SERTM1: variants seen among roughly 807,000 people sequenced by gnomAD.
SERTM1 encodes serine rich and transmembrane domain containing 1.
Under a neutral mutation model 5.5 loss-of-function variants are expected in SERTM1, and 1 was observed. That is an observed-to-expected ratio of 0.18 (90% CI 0.06 to 0.86). The LOEUF (loss-of-function observed/expected upper bound fraction) is 0.86, where lower values mean the gene tolerates loss of function less well. SERTM1 is among the 40% of genes least tolerant of loss of function. The probability of loss-of-function intolerance (pLI) is 0.69; values close to 1 mark genes in which losing one functional copy is unlikely to be tolerated. For synonymous variants in SERTM1, 52 were observed against 55.1 expected (o/e 0.94, Z 0.25); for missense variants, 91 against 122.4 (o/e 0.74, Z 1.21).
Position 36,695,459 on chromosome 13 carries a change from G to A in SERTM1, c.*57G>A, listed in dbSNP as rs527834388. On this transcript the variant is annotated 3_prime_UTR_variant, in exon 2 of 2. Transcript: ENST00000315190. ...AGTTTTGACATCCCCTTACGGAAGT[G>A]TCCCGTGAGGCATTGCCTCATGAAA... is the stretch of plus-strand genomic sequence containing the variant. The A allele has an allele frequency of 4.7e-6, 6 of 1,270,094 alleles. No homozygotes were observed. Among genetic ancestry groups the A allele is most frequent in the Middle Eastern group, 3.8e-4 (2 of 5,198 alleles). 78.7% of individuals were successfully genotyped at this position (1,270,094 alleles called of 1,614,324 possible).
intron 1 of SERTM1, among the ~76,000 whole-genome samples, chr13:36,689,238 G>A (rs2056761729): frequency 6.6e-6 from 1 of 152,038 alleles, no homozygotes; most frequent in Admixed American, 6.6e-5. Context: ...AGGCGTGGTG[G>A]CTCATGCCTG....
chr13:36,690,688 C>T (rs1459965042), intron 1 of SERTM1, among the ~76,000 whole-genome samples: 1 of 152,194 alleles, frequency 6.6e-6, no homozygotes, highest in Non-Finnish European at 1.5e-5. Context: ...CTTCTGGATT[C>T]TGGAAATATT....
In SERTM1 at chr13:36,695,068, C is replaced by G; in HGVS notation, c.-11C>G. On this transcript the variant is annotated 5_prime_UTR_variant, in exon 2 of 2. Coordinates refer to ENST00000315190, the MANE Select transcript of SERTM1 (RefSeq NM_203451.3). ...TTAATCTACCAGATCACTCCTTCAC[C>G]CTCCATAAAGATGTCTGAACCTGAC... 6.2e-7 allele frequency: 1 copy of G among 1,603,790 alleles called. No homozygotes were observed. Among genetic ancestry groups the G allele is most frequent in the Non-Finnish European group, 8.5e-7 (1 of 1,172,824 alleles).
At chr13:36,680,756 G>T (rs2056699811) in intron 1 of SERTM1, among the ~76,000 whole-genome samples, 1 of 151,800 alleles carries the variant, frequency 6.6e-6, no homozygotes, top group African/African-American at 2.4e-5. Flanking sequence ...CGTTTTGTTT[G>T]TTTGTTTCTG....
chr13:36,678,697 A>AC (rs2056685206), intron 1 of SERTM1, among the ~76,000 whole-genome samples: 1 of 147,604 alleles, frequency 6.8e-6, no homozygotes, highest in Non-Finnish European at 1.5e-5. Context: ...ATATATATAA[A>AC]ATATAGTCCT....
At position 36,695,616 on chromosome 13, in the gene SERTM1, G is replaced by A; in HGVS notation, c.*214G>A. 1 of 594,978 alleles carries A rather than the reference G, an allele frequency of 1.7e-6. No individual in the cohort carries two copies. Among genetic ancestry groups the A allele is most frequent in the Non-Finnish European group, 3.0e-6 (1 of 329,644 alleles). 36.9% of individuals were successfully genotyped at this position (594,978 alleles called of 1,614,324 possible). On this transcript the variant is annotated 3_prime_UTR_variant, in exon 2 of 2. Transcript: ENST00000315190. Reference sequence around the variant, plus strand: ...AAATGTGTGCAAACCCCAAGGTGCAGAATTTCACACAAATGGCTTGATGAA... The same window carrying A: ...AAATGTGTGCAAACCCCAAGGTGCAAAATTTCACACAAATGGCTTGATGAA...
chr13:36,695,463 C>A lies in SERTM1; in HGVS notation c.*61C>A. On this transcript the variant is annotated 3_prime_UTR_variant, in exon 2 of 2. Transcript: ENST00000315190. ...TTGACATCCCCTTACGGAAGTGTCC[C>A]GTGAGGCATTGCCTCATGAAAGAAA... The A allele has an allele frequency of 1.6e-6, 2 of 1,234,146 alleles. No homozygotes were observed. Among genetic ancestry groups the A allele is most frequent in the Non-Finnish European group, 2.3e-6 (2 of 860,524 alleles). 76.4% of individuals were successfully genotyped at this position (1,234,146 alleles called of 1,614,324 possible). A position where few individuals can be genotyped will look rare whatever the true frequency, so the allele number is the denominator to read the frequency against.
intron 1 of SERTM1, among the ~76,000 whole-genome samples, chr13:36,685,845 C>T (rs1452203502): frequency 6.6e-6 from 1 of 152,198 alleles, no homozygotes; most frequent in East Asian, 1.9e-4. Context: ...TTTAGTTTAT[C>T]TGCTGCTTCT....
At chr13:36,678,108 T>A (rs1340412013) in intron 1 of SERTM1, among the ~76,000 whole-genome samples, 1 of 152,180 alleles carries the variant, frequency 6.6e-6, no homozygotes, top group African/African-American at 2.4e-5. Context: ...CAGCAGTATT[T>A]TCATGGCATA....
rs545543173 is a variant in SERTM1, at chr13:36,695,016, G to GT, written c.-62dup. The GT allele has an allele frequency of 6.8e-5, 82 of 1,207,098 alleles. 1 individual carries two copies. In the East Asian group the frequency reaches 1.5e-3, roughly 22 times the overall value. The allele number at this position is 1,207,098 out of a possible 1,614,324, so 74.8% of individuals were successfully genotyped here. A position where few individuals can be genotyped will look rare whatever the true frequency, so the allele number is the denominator to read the frequency against. On this transcript the variant is annotated 5_prime_UTR_variant, in exon 2 of 2. An upstream open reading frame in the 5' UTR loses its in-frame stop. Transcript: ENST00000315190. Reference sequence around the variant, plus strand: ...TCGTGAAAAAATGCCAATCTGTCCTGTGTAAGCCCTGTGTGAAGTTTTGAC... The same window carrying GT: ...TCGTGAAAAAATGCCAATCTGTCCTGTTGTAAGCCCTGTGTGAAGTTTTGAC...
chr13:36,674,443 G>A (rs895590584), intron 1 of SERTM1, among the ~76,000 whole-genome samples: 1 of 152,138 alleles, frequency 6.6e-6, no homozygotes, highest in African/African-American at 2.4e-5. Context: ...TCCACGGGCT[G>A]CAGGAGGAGC....
intron 1 of SERTM1, among the ~76,000 whole-genome samples, chr13:36,687,548 T>G (rs567978012): frequency 2.6e-5 from 4 of 152,230 alleles, no homozygotes; most frequent in Admixed American, 6.5e-5. Flanking sequence ...ATCTTATGGA[T>G]AGATAATGGT....
rs148566095 is a variant in SERTM1 at position 36,691,171 on chromosome 13, G to A, written c.-173-3735G>A. Among the ~76,000 whole-genome samples, 202 of 152,340 alleles carry A rather than the reference G, an allele frequency of 1.3e-3. 1 individual carries two copies. Among genetic ancestry groups the A allele is most frequent in the African/African-American group, 4.7e-3 (195 of 41,580 alleles). On this transcript the variant is annotated intron_variant, in intron 1 of 1. Coordinates refer to ENST00000315190, the MANE Select transcript of SERTM1 (RefSeq NM_203451.3). ...CGCTGACTGCCATGGGTCCTGCAAT[G>A]CTTATGTGAGAGCACTCAGAGATGA...
chr13:36,675,836 C>G (rs1593388572), intron 1 of SERTM1, among the ~76,000 whole-genome samples: 1 of 152,190 alleles, frequency 6.6e-6, no homozygotes, highest in East Asian at 1.9e-4. Context: ...CAGAAGTAAT[C>G]TGGAAATATT....
chr13:36,679,426 G>A (rs988677454), intron 1 of SERTM1, among the ~76,000 whole-genome samples: 2 of 152,054 alleles, frequency 1.3e-5, no homozygotes, highest in South Asian at 2.1e-4. Context: ...TTGTTTTTGA[G>A]ATGGAGTCTT....
chr13:36,687,358 G>A (rs912870359), intron 1 of SERTM1, among the ~76,000 whole-genome samples: 8 of 152,088 alleles, frequency 5.3e-5, no homozygotes, highest in Admixed American at 6.5e-5. Flanking sequence ...ACATGATTAC[G>A]GTTGTCAATA....
Position 36,696,919 on chromosome 13 carries a change from C to G in SERTM1, c.*1517C>G, listed in dbSNP as rs2056818064. 6.0e-6 allele frequency: 1 copy of G among 166,976 alleles called. No individual in the cohort carries two copies. Among genetic ancestry groups the G allele is most frequent in the African/African-American group, 2.4e-5 (1 of 41,410 alleles). 10.3% of individuals were successfully genotyped at this position (166,976 alleles called of 1,614,324 possible). ...GTTTGGTTAGATTGTGCAGTCAGCA[C>G]TCTCCAGTGATTAGAATGGGGGAAA... On this transcript the variant is annotated 3_prime_UTR_variant, in exon 2 of 2. Coordinates refer to ENST00000315190, the MANE Select transcript of SERTM1 (RefSeq NM_203451.3).
At position 36,696,053 on chromosome 13, in the gene SERTM1, C is replaced by G. The variant is rs1273512934; in HGVS notation, c.*651C>G. 6.0e-6 allele frequency: 1 copy of G among 166,974 alleles called. No individual in the cohort carries two copies. The highest frequency in any genetic ancestry group is 1.5e-5 in the Non-Finnish European group (1 of 68,132). 10.3% of individuals were successfully genotyped at this position (166,974 alleles called of 1,614,324 possible). ...AAGACAAACATGTATTATGATGGAG[C>G]TTGTGATGTATTTCTGCCTCCTGGA... On this transcript the variant is annotated 3_prime_UTR_variant, in exon 2 of 2. Coordinates refer to ENST00000315190, the MANE Select transcript of SERTM1 (RefSeq NM_203451.3).
At chr13:36,685,324 A>G (rs2056733487) in intron 1 of SERTM1, among the ~76,000 whole-genome samples, 1 of 152,234 alleles carries the variant, frequency 6.6e-6, no homozygotes, top group Non-Finnish European at 1.5e-5. Context: ...CTAATGAAGG[A>G]CACAACGTCC....
Sources: gnomAD v4.1 joint callset for allele counts (sites outside exome capture counted in the v4.1 genomes callset) on GRCh38, gnomAD v4.1.1 for gene constraint, MANE v1.5 for transcripts, NCBI Gene and HGNC (gene_info 2026-07-23, HGNC 2026-07-21) for gene names.